The following SRPRA variants were observed in gnomAD, a reference collection of about 807,000 sequenced individuals.
SRPRA encodes signal recognition particle receptor subunit alpha.
In SRPRA, 30 loss-of-function variants were observed where a neutral mutation model predicts 61.1. That is an observed-to-expected ratio of 0.49 (90% confidence interval 0.37 to 0.67). The LOEUF is 0.67. SRPRA is among the 30% of genes least tolerant of loss of function. The pLI is 0.00. For synonymous variants in SRPRA, 324 were observed against 299.7 expected, an observed-to-expected ratio of 1.08 and a Z score of -0.84; for missense variants, 759 against 828.4, an observed-to-expected ratio of 0.92 and a Z score of 1.03.
chr11:126,249,373 G>T, the SRPRA span, among the ~76,000 whole-genome samples: 1 of 152,208 alleles, frequency 6.6e-6, no homozygotes, highest in Non-Finnish European at 1.5e-5. Flanking sequence ...CTGAATTATG[G>T]CATGTAGAAG....
chr11:126,254,455 G>A, the SRPRA span: 1 of 1,612,668 alleles, frequency 6.2e-7, no homozygotes, highest in Non-Finnish European at 8.5e-7. Context: ...TGATCTTGCT[G>A]GTCTCAGGAA....
chr11:126,240,655 A>G, the SRPRA span: 1 of 806,322 alleles, frequency 1.2e-6, no homozygotes, highest in Non-Finnish European at 1.9e-6. Context: ...CTGCTTTGGA[A>G]AGGTGTCAAA....
Position 126,263,599 on chromosome 11 carries a change from T to C in SRPRA, c.*317A>G, listed in dbSNP as rs1950747275. The stretch of plus-strand genomic sequence containing the variant: ...TGACCACACTAATTATTAGCAAAGC[T>C]CTGGTGTTGGGTTCCAACCATTGGT... On this transcript the variant is annotated 3_prime_UTR_variant, in exon 14 of 14. Transcript: ENST00000332118. 3.6e-6 allele frequency: 1 copy of C among 275,372 alleles called. No individual in the cohort carries two copies. The highest frequency in any genetic ancestry group is 8.1e-5 in the East Asian group (1 of 12,302). The allele number at this position is 275,372 out of a possible 1,614,324, so 17.1% of individuals were successfully genotyped here. A position where few individuals can be genotyped will look rare whatever the true frequency, so the allele number is the denominator to read the frequency against.
In SRPRA at chr11:126,263,349, C is replaced by G. The variant is rs1188981599; in HGVS notation, c.*567G>C. 1.3e-5 allele frequency: 2 copies of G among 152,758 alleles called. No homozygotes were observed. Among genetic ancestry groups the G allele is most frequent in the Non-Finnish European group, 2.9e-5 (2 of 68,176 alleles). The allele number at this position is 152,758 out of a possible 1,614,324, so 9.5% of individuals were successfully genotyped here. ...CTCATTTGTAACAAATCACTCCAGC[C>G]TAGCTGATGCTTTGGGGTAAACAAT... On this transcript the variant is annotated 3_prime_UTR_variant, in exon 14 of 14. Transcript: ENST00000332118.
At chr11:126,239,614 T>C in the SRPRA span, among the ~76,000 whole-genome samples, 1 of 151,992 alleles carries the variant, frequency 6.6e-6, no homozygotes, top group African/African-American at 2.4e-5. Flanking sequence ...TACATACAGG[T>C]TTTCCTTTCC....
chr11:126,236,030 G>C, the SRPRA span, among the ~76,000 whole-genome samples: 1 of 152,272 alleles, frequency 6.6e-6, no homozygotes, highest in African/African-American at 2.4e-5. Flanking sequence ...GAAACACACC[G>C]ATAACTTGCT....
the SRPRA span, among the ~76,000 whole-genome samples, chr11:126,249,117 A>C: frequency 6.6e-6 from 1 of 152,174 alleles, no homozygotes; most frequent in Non-Finnish European, 1.5e-5. Context: ...TGATACCCAT[A>C]ATCCCAACAC....
chr11:126,242,604 C>G, the SRPRA span, among the ~76,000 whole-genome samples: 1 of 152,182 alleles, frequency 6.6e-6, no homozygotes, highest in East Asian at 1.9e-4. Context: ...AAAGAAGATA[C>G]ACAAACGGCC....
Position 126,265,116 on chromosome 11 carries a change from T to C in SRPRA, c.1368A>G (p.Thr456=), listed in dbSNP as rs1950780535. The C allele has an allele frequency of 6.2e-7, 1 of 1,613,918 alleles. No homozygotes were observed. The highest frequency in any genetic ancestry group is 1.7e-5 in the Admixed American group (1 of 59,990). ...GFSVLIAACD[T]FRAGAVEQLR... ...GCTGCTCCACGGCCCCAGCACGAAA[T>C]GTATCACAGGCAGCAATGAGGACAC... Residue 456 remains threonine (T), a synonymous_variant, in exon 11 of 14, where the codon ACA becomes ACG. Coordinates refer to ENST00000332118, the MANE Select transcript of SRPRA (RefSeq NM_003139.4). The surrounding 1 kb of genome is among the most constrained non-coding windows in gnomAD (Gnocchi z 6.3).
Position 126,265,149 on chromosome 11 carries a change from A to G in SRPRA, c.1335T>C (p.Asn445=). Residue 445 remains asparagine, a synonymous_variant, in exon 11 of 14, where the codon AAT becomes AAC. Transcript: ENST00000332118. The surrounding 1 kb of genome is among the most constrained non-coding windows in gnomAD (Gnocchi z 6.3). ...LAKISFWLLE[N]GFSVLIAACD... is the part of the protein sequence containing the mutation. ...AGGCAGCAATGAGGACACTGAAGCC[A>G]TTCTCTAACAACCAGAAGGAAATCT... 6.2e-7 allele frequency: 1 copy of G among 1,614,228 alleles called. No homozygotes were observed. The highest frequency in any genetic ancestry group is 1.1e-5 in the South Asian group (1 of 91,078).
chr11:126,244,752 A>G, the SRPRA span, among the ~76,000 whole-genome samples: 1 of 152,178 alleles, frequency 6.6e-6, no homozygotes, highest in Non-Finnish European at 1.5e-5. The surrounding 1 kb of genome is among the most constrained non-coding windows in gnomAD (Gnocchi z 4.5). Context: ...GCAGCGAGCC[A>G]GGATCCCTCC....
chr11:126,242,024 C>CAAAAA, the SRPRA span, among the ~76,000 whole-genome samples: 1 of 88,418 alleles, frequency 1.1e-5, no homozygotes, highest in Non-Finnish European at 2.3e-5. Flanking sequence ...GACTCCGTCT[C>CAAAAA]AAAAAAAAAA....
downstream of SRPRA, among the ~76,000 whole-genome samples, chr11:126,260,157 C>T (rs146653309): frequency 4.0e-3 from 603 of 152,174 alleles, 4 homozygotes; most frequent in African/African-American, 0.013. Context: ...CTCAGCCTCC[C>T]GAGTAGCTGA....
the SRPRA span, among the ~76,000 whole-genome samples, chr11:126,241,947 C>T: frequency 6.7e-6 from 1 of 149,936 alleles, no homozygotes; most frequent in Admixed American, 6.7e-5. Flanking sequence ...ATGGCTTGAA[C>T]CCGGGAGGTG....
chr11:126,241,582 T>C, the SRPRA span, among the ~76,000 whole-genome samples: 3 of 152,074 alleles, frequency 2.0e-5, no homozygotes, highest in Non-Finnish European at 4.4e-5. Context: ...GGAATCTTCT[T>C]CTTGTCACCC....
the SRPRA span, among the ~76,000 whole-genome samples, chr11:126,251,776 G>A: frequency 6.9e-5 from 10 of 145,488 alleles, no homozygotes; most frequent in African/African-American, 2.3e-4. Context: ...TTGTTGCCCT[G>A]GGTTCAAGTG....
chr11:126,268,146 T>G, intron 1 of SRPRA, 60 bp from the exon 2 acceptor site: 2 of 1,465,998 alleles, frequency 1.4e-6, no homozygotes, highest in Non-Finnish European at 1.9e-6. Flanking sequence ...GTTTGGGCCC[T>G]GGGTTTGGAT....
chr11:126,261,357 G>GT, downstream of SRPRA: 1 of 1,338,816 alleles, frequency 7.5e-7, no homozygotes. Flanking sequence ...TCTCCCTTTA[G>GT]TTTTCTTTTT....
chr11:126,264,670 G>A lies in SRPRA; in HGVS notation c.1526-131C>T, dbSNP rs1950771611. ...GCTCTGGATTTGGTTCCAAGGTAAT[G>A]TGAGAAAAACTTGATTATATGCTTG... On this transcript the variant is annotated intron_variant, in intron 11 of 13. Transcript: ENST00000332118. The surrounding 1 kb of genome is among the most constrained non-coding windows in gnomAD (Gnocchi z 5.0). The A allele has an allele frequency of 8.6e-7, 1 of 1,165,360 alleles. No homozygotes were observed. 72.2% of individuals were successfully genotyped at this position (1,165,360 alleles called of 1,614,324 possible). A position where few individuals can be genotyped will look rare whatever the true frequency, so the allele number is the denominator to read the frequency against.
Sources: gnomAD v4.1 joint callset for allele counts (sites outside exome capture counted in the v4.1 genomes callset) on GRCh38, gnomAD v4.1.1 for gene constraint, Gnocchi (gnomAD v3.1) non-coding constraint, MANE v1.5 for transcripts, NCBI Gene and HGNC (gene_info 2026-07-23, HGNC 2026-07-21) for gene names.